Variants in CLNK observed in about 807,000 individuals in gnomAD.
The protein encoded by CLNK is cytokine dependent hematopoietic cell linker.
A neutral mutation model predicts 68.6 loss-of-function variants in CLNK; 74 were observed. The observed-to-expected ratio is 1.08, with a 90% CI of 0.89 to 1.31. The LOEUF is 1.31. CLNK is among the 50% of genes most tolerant of loss of function. The pLI is 0.00. For synonymous variants in CLNK, 198 were observed against 172.2 expected (o/e 1.15, Z -1.17); for missense variants, 553 against 515.3 (o/e 1.07, Z -0.71).
chr4:10,488,928 G>C lies in CLNK; in HGVS notation c.*1539C>G, dbSNP rs1488816098. ...TGAATTTCCTTTGTAAGCTTTGGTA[G>C]CATTTGACATCATGATATACTGTTA... On this transcript the variant is annotated 3_prime_UTR_variant, in exon 19 of 19. Transcript: ENST00000226951. 3 of 152,094 alleles carry C rather than the reference G, an allele frequency of 2.0e-5. No homozygotes were observed. Among genetic ancestry groups the C allele is most frequent in the East Asian group, 3.8e-4 (2 of 5,204 alleles). 9.4% of individuals were successfully genotyped at this position (152,094 alleles called of 1,614,324 possible).
intron 2 of CLNK, among the ~76,000 whole-genome samples, chr4:10,658,401 C>T (rs181906544): frequency 1.2e-4 from 18 of 152,214 alleles, no homozygotes; most frequent in Non-Finnish European, 2.5e-4. Flanking sequence ...TCTGTTGCTG[C>T]CTAACACACC....
chr4:10,537,401 C>G (rs538050942), intron 11 of CLNK, among the ~76,000 whole-genome samples: 1 of 152,260 alleles, frequency 6.6e-6, no homozygotes, highest in Non-Finnish European at 1.5e-5. Flanking sequence ...TCAATTGAAC[C>G]CGGGAGGCAG....
intron 3 of CLNK, among the ~76,000 whole-genome samples, chr4:10,591,677 T>C (rs1359926968): frequency 6.6e-6 from 1 of 152,188 alleles, no homozygotes; most frequent in African/African-American, 2.4e-5. Flanking sequence ...TGGCACGTAG[T>C]AGGAAACTAC....
At chr4:10,573,034 G>A (rs560856044) in intron 4 of CLNK, among the ~76,000 whole-genome samples, 1 of 152,154 alleles carries the variant, frequency 6.6e-6, no homozygotes, top group African/African-American at 2.4e-5. Flanking sequence ...TCACTATGTT[G>A]GCCAGGCTAT....
intron 1 of CLNK, among the ~76,000 whole-genome samples, chr4:10,679,283 T>C (rs1050083264): frequency 6.6e-5 from 10 of 152,188 alleles, no homozygotes; most frequent in African/African-American, 2.2e-4. Context: ...CCATATTTAA[T>C]AAATGGTGCT....
chr4:10,606,745 T>C lies in CLNK; in HGVS notation c.12-8696A>G, dbSNP rs1721808118. On this transcript the variant is annotated intron_variant, in intron 2 of 18. Coordinates refer to ENST00000226951, the MANE Select transcript of CLNK (RefSeq NM_052964.4). ...ATAGAAGGCCCATCATTCACCTAAA[T>C]GTTATATGGTGCATGACTGTATCTA... is the stretch of plus-strand genomic sequence containing the variant. Among the ~76,000 whole-genome samples, 6 of 152,152 alleles carry C rather than the reference T, an allele frequency of 3.9e-5. 1 individual carries two copies. Among genetic ancestry groups the C allele is most frequent in the Admixed American group, 3.9e-4 (6 of 15,270 alleles).
At position 10,488,981 on chromosome 4, in the gene CLNK, A is replaced by G. The variant is rs1416270564; in HGVS notation, c.*1486T>C. On this transcript the variant is annotated 3_prime_UTR_variant, in exon 19 of 19. Coordinates refer to ENST00000226951, the MANE Select transcript of CLNK (RefSeq NM_052964.4). ...TTCGACAGACAGTATGTTTTTTAAA[A>G]AAGCTTATTCCCACTAGAAGAGTTT... The G allele has an allele frequency of 2.0e-5, 3 of 152,196 alleles. No individual in the cohort carries two copies. The highest frequency in any genetic ancestry group is 2.9e-5 in the Non-Finnish European group (2 of 68,044). The allele number at this position is 152,196 out of a possible 1,614,324, so 9.4% of individuals were successfully genotyped here.
At chr4:10,711,991 C>A in the CLNK span, among the ~76,000 whole-genome samples, 3 of 152,124 alleles carry the variant, frequency 2.0e-5, no homozygotes, top group Middle Eastern at 3.4e-3. Context: ...ATGGATATCG[C>A]GTTTCAAAGG....
intron 1 of CLNK, among the ~76,000 whole-genome samples, chr4:10,674,737 G>T (rs1443539074): frequency 6.6e-6 from 1 of 152,110 alleles, no homozygotes; most frequent in Non-Finnish European, 1.5e-5. Flanking sequence ...TGGGGCGGAT[G>T]GTCTCAATGA....
intron 1 of CLNK, among the ~76,000 whole-genome samples, chr4:10,675,849 C>G (rs1275025965): frequency 6.6e-6 from 1 of 152,070 alleles, no homozygotes; most frequent in Non-Finnish European, 1.5e-5. Flanking sequence ...TGGGTCAAGG[C>G]TCAAGAATAA....
intron 3 of CLNK, among the ~76,000 whole-genome samples, chr4:10,596,015 T>G (rs1721370009): frequency 6.6e-6 from 1 of 152,162 alleles, no homozygotes; most frequent in African/African-American, 2.4e-5. Context: ...AGAGTCTACT[T>G]TTTCAAATAC....
At chr4:10,535,431 A>G (rs1054633080) in intron 11 of CLNK, among the ~76,000 whole-genome samples, 5 of 152,188 alleles carry the variant, frequency 3.3e-5, no homozygotes, top group African/African-American at 1.2e-4. Flanking sequence ...TTTTATCAGT[A>G]AATTGGAGAT....
chr4:10,508,771 T>C (rs1413753314), intron 16 of CLNK, among the ~76,000 whole-genome samples: 1 of 152,166 alleles, frequency 6.6e-6, no homozygotes, highest in Non-Finnish European at 1.5e-5. Context: ...AGGCATGTCA[T>C]GTAGTATAGA....
At chr4:10,615,277 C>T (rs368232276) in intron 2 of CLNK, among the ~76,000 whole-genome samples, 8 of 152,230 alleles carry the variant, frequency 5.3e-5, no homozygotes, top group South Asian at 4.1e-4. Context: ...GCCAGGAGTT[C>T]GAAACCAGCC....
chr4:10,587,808 C>T (rs1387069905), intron 3 of CLNK, among the ~76,000 whole-genome samples: 17 of 152,208 alleles, frequency 1.1e-4, no homozygotes, highest in Admixed American at 7.2e-4. Flanking sequence ...TCTGCCTCCC[C>T]GGTCCCTACT....
At chr4:10,727,076 T>C in the CLNK span, among the ~76,000 whole-genome samples, 22 of 152,156 alleles carry the variant, frequency 1.4e-4, no homozygotes, top group African/African-American at 5.1e-4. Flanking sequence ...TGCAGAAGCC[T>C]GAGACTCACA....
At chr4:10,518,624 C>A (rs7687349) in intron 15 of CLNK, among the ~76,000 whole-genome samples, 2 of 152,224 alleles carry the variant, frequency 1.3e-5, no homozygotes, top group Non-Finnish European at 2.9e-5. Flanking sequence ...ATTTTTTTCT[C>A]TCCTGAGATC....
chr4:10,490,739 A>T (rs1716534523), intron 18 of CLNK, 126 bp from the exon 19 acceptor site: 4 of 735,468 alleles, frequency 5.4e-6, no homozygotes, highest in Non-Finnish European at 8.5e-6. Context: ...TTTGTATGGT[A>T]AAGGTGTTTC....
intron 4 of CLNK, among the ~76,000 whole-genome samples, chr4:10,572,849 G>T (rs768501826): frequency 6.6e-6 from 1 of 151,938 alleles, no homozygotes; most frequent in Non-Finnish European, 1.5e-5. Flanking sequence ...GTTTTTTTGA[G>T]ACACAGTCTT....
Sources: allele counts gnomAD v4.1 joint callset (sites outside exome capture counted in the v4.1 genomes callset), GRCh38; gene constraint gnomAD v4.1.1; transcripts MANE v1.5; gene names NCBI Gene and HGNC (gene_info 2026-07-23, HGNC 2026-07-21).